LUZP2: variants seen among roughly 807,000 people sequenced by gnomAD.
LUZP2 encodes the protein leucine zipper protein 2.
A neutral mutation model predicts 51.6 loss-of-function variants in LUZP2; 52 were observed. The ratio of observed to expected loss-of-function variants is 1.01; its 90% CI spans 0.81 to 1.27. The LOEUF (loss-of-function observed/expected upper bound fraction) is 1.27. Among genes scored for constraint, LUZP2 ranks in the 50% most tolerant of loss-of-function variants. The probability of loss-of-function intolerance (pLI) is 0.00; values close to 1 mark genes in which losing one functional copy is unlikely to be tolerated. For missense variants in LUZP2, 436 were observed against 395.4 expected (o/e 1.10, Z -0.87); for synonymous variants, 154 against 137.3 (o/e 1.12, Z -0.85).
At chr11:24,691,018 A>G (rs1478372456) in intron 1 of LUZP2, among the ~76,000 whole-genome samples, 2 of 152,072 alleles carry the variant, frequency 1.3e-5, no homozygotes, top group Admixed American at 6.6e-5. Flanking sequence ...TGCAGTTTTC[A>G]TAATTATAAA....
intron 7 of LUZP2, among the ~76,000 whole-genome samples, chr11:24,958,623 G>A (rs1855286232): frequency 1.3e-5 from 2 of 151,946 alleles, no homozygotes; most frequent in African/African-American, 4.8e-5. Flanking sequence ...TTGTAAATTT[G>A]TTTGAGTTCA....
chr11:24,731,137 T>C (rs1196899930), intron 2 of LUZP2, among the ~76,000 whole-genome samples: 1 of 151,774 alleles, frequency 6.6e-6, no homozygotes, highest in East Asian at 1.9e-4. Flanking sequence ...TCATCCCACT[T>C]CATTCCTGTT....
At chr11:25,043,091 C>CAG (rs1858126399) in intron 9 of LUZP2, among the ~76,000 whole-genome samples, 2 of 152,090 alleles carry the variant, frequency 1.3e-5, no homozygotes, top group Non-Finnish European at 2.9e-5. Flanking sequence ...GGAGAGTCTT[C>CAG]ATAAGAAACT....
chr11:24,748,232 C>T (rs776617150), intron 4 of LUZP2, among the ~76,000 whole-genome samples: 8 of 152,148 alleles, frequency 5.3e-5, no homozygotes, highest in African/African-American at 9.7e-5. Flanking sequence ...CCACTGCTTT[C>T]TCTACCCCTA....
chr11:24,816,907 A>G (rs1850200457), intron 5 of LUZP2, among the ~76,000 whole-genome samples: 2 of 152,000 alleles, frequency 1.3e-5, no homozygotes, highest in African/African-American at 4.8e-5. Flanking sequence ...GTTTATTTAC[A>G]TTTTGGCCGA....
At chr11:25,064,493 TA>T (rs1858940331) in intron 10 of LUZP2, among the ~76,000 whole-genome samples, 2 of 152,040 alleles carry the variant, frequency 1.3e-5, no homozygotes, top group African/African-American at 4.8e-5. Flanking sequence ...CATGTAGACT[TA>T]AAAAAATAAA....
intron 1 of LUZP2, among the ~76,000 whole-genome samples, chr11:24,569,659 T>C (rs1590192225): frequency 6.8e-6 from 1 of 148,090 alleles, no homozygotes; most frequent in East Asian, 2.0e-4. Flanking sequence ...CATAGACATA[T>C]TTACTTATTT....
chr11:24,969,904 A>T (rs1430250023), intron 7 of LUZP2, among the ~76,000 whole-genome samples: 1 of 152,160 alleles, frequency 6.6e-6, no homozygotes, highest in East Asian at 1.9e-4. Context: ...GTGGGAACAC[A>T]CACATGCGCG....
At chr11:25,078,462 A>G (rs1393316547) in intron 11 of LUZP2, 92 bp from the exon 12 acceptor site, 1 of 929,396 alleles carries the variant, frequency 1.1e-6, no homozygotes, top group East Asian at 2.6e-5. Flanking sequence ...AGATCTTTGA[A>G]TTTCCATTCT....
chr11:24,530,762 C>CTTTTTTTTTTTTTT (rs367857815), intron 1 of LUZP2, among the ~76,000 whole-genome samples: 8 of 75,376 alleles, frequency 1.1e-4, no homozygotes, highest in Admixed American at 1.6e-4. Context: ...CTTCTTCTTA[C>CTTTTTTTTTTTTTT]TTTTTTTTTT....
chr11:25,057,055 G>A (rs147983896), intron 10 of LUZP2, among the ~76,000 whole-genome samples: 1,878 of 152,192 alleles, frequency 0.012, 44 homozygotes, highest in African/African-American at 0.043. Flanking sequence ...AGCTGAGATC[G>A]TGCCACTGCA....
At chr11:24,690,428 A>T (rs573450622) in intron 1 of LUZP2, among the ~76,000 whole-genome samples, 1 of 152,190 alleles carries the variant, frequency 6.6e-6, no homozygotes, top group South Asian at 2.1e-4. Context: ...TAAGCTCTGG[A>T]TCCTCCTGTT....
In LUZP2 at chr11:24,983,111, C is replaced by T. The variant is rs1199127661; in HGVS notation, c.598-15C>T. 9.3e-6 allele frequency: 15 copies of T among 1,609,064 alleles called. No homozygotes were observed. Among genetic ancestry groups the T allele is most frequent in the Non-Finnish European group, 1.3e-5 (15 of 1,177,264 alleles). On this transcript the variant is annotated splice_polypyrimidine_tract_variant and intron_variant, in intron 8 of 11. Coordinates refer to ENST00000336930, the MANE Select transcript of LUZP2 (RefSeq NM_001009909.4). ...ATAGCTAAATGTAAATATGTTAATG[C>T]CTCTTTTTTTGTAGGAGTCACAGAT... is the stretch of plus-strand genomic sequence containing the variant.
chr11:24,663,317 C>T (rs1395870787), intron 1 of LUZP2, among the ~76,000 whole-genome samples: 1 of 152,122 alleles, frequency 6.6e-6, no homozygotes, highest in African/African-American at 2.4e-5. Context: ...CCTTTGTTCT[C>T]TCTTTCTCCT....
intron 1 of LUZP2, among the ~76,000 whole-genome samples, chr11:24,548,336 G>A (rs1851622403): frequency 1.3e-5 from 2 of 152,066 alleles, no homozygotes; most frequent in Admixed American, 6.6e-5. Context: ...TAAAGAAAAT[G>A]TGGTACATAT....
intron 4 of LUZP2, among the ~76,000 whole-genome samples, chr11:24,756,070 C>A (rs1046145934): frequency 6.6e-6 from 1 of 152,142 alleles, no homozygotes; most frequent in African/African-American, 2.4e-5. Context: ...CACCACCCCC[C>A]TTATGTTAAC....
chr11:24,831,657 T>C (rs1404883702), intron 5 of LUZP2, among the ~76,000 whole-genome samples: 2 of 152,138 alleles, frequency 1.3e-5, no homozygotes, highest in South Asian at 2.1e-4. Flanking sequence ...GCTATGAACG[T>C]TGTAGCATGC....
chr11:24,975,785 A>G (rs10742063), intron 7 of LUZP2, among the ~76,000 whole-genome samples: 138,170 of 152,006 alleles, frequency 0.91, 64,261 homozygotes, highest in Non-Finnish European at 1. Context: ...TTTTATTCTA[A>G]TAGCACAATA....
At position 25,065,032 on chromosome 11, in the gene LUZP2, T is replaced by C. The variant is rs187289830; in HGVS notation, c.859-12297T>C. 2.2e-4 allele frequency among the ~76,000 whole-genome samples: 33 copies of C among 152,142 alleles called. No homozygotes were observed. In the East Asian group the frequency reaches 6.4e-3, roughly 29 times the overall value. ...TGTTTGGAGATAACATTGACAGGCA[T>C]AGTAAAAAAGAGAAACATGTTCTGA... is the stretch of plus-strand genomic sequence containing the variant. On this transcript the variant is annotated intron_variant, in intron 10 of 11. Transcript: ENST00000336930.
Sources: allele counts gnomAD v4.1 joint callset (sites outside exome capture counted in the v4.1 genomes callset), GRCh38; gene constraint gnomAD v4.1.1; transcripts MANE v1.5; gene names NCBI Gene and HGNC (gene_info 2026-07-23, HGNC 2026-07-21).